The following ELOB variants were observed in gnomAD, a reference collection of about 807,000 sequenced individuals.
ELOB encodes elongin-B.
A neutral mutation model predicts 12.9 loss-of-function variants in ELOB; 3 were observed. The ratio of observed to expected loss-of-function variants is 0.23; its 90% CI spans 0.11 to 0.60. ELOB has a LOEUF of 0.60. ELOB is among the 20% of genes least tolerant of loss of function. ELOB has a pLI of 0.89. For synonymous variants in ELOB, 84 were observed against 67.4 expected (o/e 1.25, Z -1.21); for missense variants, 126 against 159.2 (o/e 0.79, Z 1.12).
At position 2,771,801 on chromosome 16, in the gene ELOB, G is replaced by T; in HGVS notation, c.*189C>A. ...TCCCCATGGTGCCTTTAAGCAGCAG[G>T]CTGGGCCAAGTTCTCAGCCAGGGTC... On this transcript the variant is annotated 3_prime_UTR_variant, in exon 4 of 4. Transcript: ENST00000409906. 2 of 1,453,268 alleles carry T rather than the reference G, an allele frequency of 1.4e-6. No individual in the cohort carries two copies. Among genetic ancestry groups the T allele is most frequent in the Non-Finnish European group, 1.8e-6 (2 of 1,107,462 alleles). The allele number at this position is 1,453,268 out of a possible 1,614,324, so 90.0% of individuals were successfully genotyped here. A position where few individuals can be genotyped will look rare whatever the true frequency, so the allele number is the denominator to read the frequency against.
rs189402647 is a variant in ELOB, at chr16:2,772,723, T to C, written c.245-621A>G. ...CCATCTCAAAAAAAAAAAATCAAAC[T>C]AGACTATCTAGACTATTCCTCCCCT... On this transcript the variant is annotated intron_variant, in intron 3 of 3. Coordinates refer to ENST00000409906, the MANE Select transcript of ELOB (RefSeq NM_007108.4). 1.2e-3 allele frequency among the ~76,000 whole-genome samples: 176 copies of C among 151,090 alleles called. 1 individual carries two copies. The East Asian group carries it at 0.025, about 21-fold the overall frequency.
chr16:2,777,133 G>A lies in ELOB; in HGVS notation c.4-6C>T, dbSNP rs753431233. ...CGGATCATGAGGAACACGTCCTGGGGGCGGCGGGCCGGCGTGAGCACGAAG... is the reference window on the plus strand; with the variant it reads ...CGGATCATGAGGAACACGTCCTGGGAGCGGCGGGCCGGCGTGAGCACGAAG... On this transcript the variant is annotated splice_region_variant and splice_polypyrimidine_tract_variant and intron_variant, in intron 1 of 3. Coordinates refer to ENST00000409906, the MANE Select transcript of ELOB (RefSeq NM_007108.4). The A allele has an allele frequency of 1.6e-5, 25 of 1,522,836 alleles. No homozygotes were observed. The East Asian group carries it at 3.8e-4, about 23-fold the overall frequency. The allele number at this position is 1,522,836 out of a possible 1,614,324, so 94.3% of individuals were successfully genotyped here.
Position 2,775,444 on chromosome 16 carries a change from C to G in ELOB, c.244+7G>C, listed in dbSNP as rs2068793434. The G allele has an allele frequency of 1.3e-6, 2 of 1,593,608 alleles. No homozygotes were observed. Among genetic ancestry groups the G allele is most frequent in the African/African-American group, 1.3e-5 (1 of 74,622 alleles). On this transcript the variant is annotated splice_region_variant and intron_variant, in intron 3 of 3. Coordinates refer to ENST00000409906, the MANE Select transcript of ELOB (RefSeq NM_007108.4). Reference sequence around the variant, plus strand: ...CCACCCAGCCCAGTGGGTGGTGGGCCTCTCACCTGCCCGGAAGGCCAGCCC... The same window carrying G: ...CCACCCAGCCCAGTGGGTGGTGGGCGTCTCACCTGCCCGGAAGGCCAGCCC...
At chr16:2,773,616 G>A (rs2068782241) in intron 3 of ELOB, among the ~76,000 whole-genome samples, 1 of 152,172 alleles carries the variant, frequency 6.6e-6, no homozygotes, top group South Asian at 2.1e-4. Flanking sequence ...ATTCCATGGG[G>A]AAGCAAAGAG....
At chr16:2,775,849 C>T (rs1489508130) in intron 2 of ELOB, among the ~76,000 whole-genome samples, 1 of 152,200 alleles carries the variant, frequency 6.6e-6, no homozygotes, top group African/African-American at 2.4e-5. Context: ...GCTTTCAATC[C>T]CAGCTCTGTC....
Position 2,772,030 on chromosome 16 carries a change from T to C in ELOB, c.317A>G (p.Gln106Arg). Residue 106 changes from glutamine (Q) to arginine (R), a missense_variant, in exon 4 of 4, where the codon CAG becomes CGG. Coordinates refer to ENST00000409906, the MANE Select transcript of ELOB (RefSeq NM_007108.4). ...PPELPDVMKPQDSGSSANEQA... is the reference protein window; with the variant it reads ...PPELPDVMKPRDSGSSANEQA... ...TTCATTGGCACTGCTTCCCGAGTCCTGGGGCTTCATCACATCGGGCAGCTC... is the reference window on the plus strand; with the variant it reads ...TTCATTGGCACTGCTTCCCGAGTCCCGGGGCTTCATCACATCGGGCAGCTC... 6.2e-7 allele frequency: 1 copy of C among 1,613,192 alleles called. No homozygotes were observed.
intron 3 of ELOB, 61 bp from the exon 4 acceptor site, chr16:2,772,163 T>C (rs758997779): frequency 2.0e-5 from 30 of 1,498,422 alleles, no homozygotes; most frequent in Middle Eastern, 1.8e-4. Flanking sequence ...GCTGGGGCCT[T>C]GGTGTTCACG....
In ELOB at chr16:2,777,079, C is replaced by A. The variant is rs2068805784; in HGVS notation, c.52G>T (p.Ala18Ser). 1 of 1,600,610 alleles carries A rather than the reference C, an allele frequency of 6.2e-7. No individual in the cohort carries two copies. Among genetic ancestry groups the A allele is most frequent in the Non-Finnish European group, 8.5e-7 (1 of 1,175,242 alleles). Reference protein sequence around the residue: ...RRHKTTIFTDAKESSTVFELK... With the variant: ...RRHKTTIFTDSKESSTVFELK... ...TCGAACACCGTGCTGGACTCCTTGGCGTCCGTGAAGATGGTGGTCTTGTGG... is the reference window on the plus strand; with the variant it reads ...TCGAACACCGTGCTGGACTCCTTGGAGTCCGTGAAGATGGTGGTCTTGTGG... Residue 18 changes from alanine to serine, a missense_variant, in exon 2 of 4, where the codon GCC becomes TCC. Ala to Ser is a moderately conservative substitution (Grantham distance 99, BLOSUM62 1). Transcript: ENST00000409906.
At chr16:2,774,828 G>C (rs1446114498) in intron 3 of ELOB, among the ~76,000 whole-genome samples, 1 of 152,118 alleles carries the variant, frequency 6.6e-6, no homozygotes, top group Non-Finnish European at 1.5e-5. Context: ...GCAGGGGTGG[G>C]GTATGGCTGA....
intron 3 of ELOB, among the ~76,000 whole-genome samples, chr16:2,774,474 G>T (rs942109091): frequency 6.6e-6 from 1 of 152,240 alleles, no homozygotes; most frequent in African/African-American, 2.4e-5. Flanking sequence ...GGCCAGGAGG[G>T]GCAGGAGGGC....
In ELOB at chr16:2,771,625, T is replaced by G; in HGVS notation, c.*365A>C. On this transcript the variant is annotated 3_prime_UTR_variant, in exon 4 of 4. Coordinates refer to ENST00000409906, the MANE Select transcript of ELOB (RefSeq NM_007108.4). ...GCAGGCTATGGGGGTGGGGGGCACT[T>G]AGAAGGAGAAAGGCCTAAAACTGGA... 6.2e-7 allele frequency: 1 copy of G among 1,613,018 alleles called. No homozygotes were observed.
chr16:2,776,085 C>T (rs538874844), intron 2 of ELOB, among the ~76,000 whole-genome samples: 1 of 152,278 alleles, frequency 6.6e-6, no homozygotes, highest in Admixed American at 6.5e-5. Flanking sequence ...GCAAAGTTTC[C>T]TCATCTGTAA....
intron 3 of ELOB, among the ~76,000 whole-genome samples, chr16:2,774,449 A>G (rs2068787559): frequency 6.6e-6 from 1 of 152,204 alleles, no homozygotes; most frequent in Non-Finnish European, 1.5e-5. Context: ...CCCTTTAAGG[A>G]GAAGGGAACA....
In ELOB at chr16:2,771,710, C is replaced by G; in HGVS notation, c.*280G>C. 1 of 1,566,042 alleles carries G rather than the reference C, an allele frequency of 6.4e-7. No homozygotes were observed. The highest frequency in any genetic ancestry group is 1.2e-5 in the South Asian group (1 of 83,430). ...GTCTCTCCCAGTCCTTCCCTTTCCT[C>G]CCCCTGGCGTGGTTGGTGTGGCTGG... On this transcript the variant is annotated 3_prime_UTR_variant, in exon 4 of 4. Transcript: ENST00000409906.
chr16:2,772,271 GC>G, intron 3 of ELOB, 169 bp from the exon 4 acceptor site: 2 of 759,854 alleles, frequency 2.6e-6, no homozygotes, highest in South Asian at 2.5e-5. Context: ...TACCCCCGTG[GC>G]CCCACGGTAA....
intron 3 of ELOB, 83 bp from the exon 4 acceptor site, chr16:2,772,185 G>A (rs757510828): frequency 1.6e-4 from 228 of 1,431,654 alleles, no homozygotes; most frequent in Non-Finnish European, 1.9e-4. Flanking sequence ...GTGATCATCT[G>A]CAGCTTTGGG....
At chr16:2,774,441 C>G (rs1021015126) in intron 3 of ELOB, among the ~76,000 whole-genome samples, 3 of 152,196 alleles carry the variant, frequency 2.0e-5, no homozygotes, top group African/African-American at 7.2e-5. Flanking sequence ...CATCACACCC[C>G]TTTAAGGAGA....
chr16:2,771,862 C>A lies in ELOB; in HGVS notation c.*128G>T. ...GGAGACAGGACAGCACAGGAACTGC[C>A]AAGCACAAGCCCCAAAAGGAGCCCA... On this transcript the variant is annotated 3_prime_UTR_variant, in exon 4 of 4. Transcript: ENST00000409906. 1 of 1,464,188 alleles carries A rather than the reference C, an allele frequency of 6.8e-7. No homozygotes were observed. Among genetic ancestry groups the A allele is most frequent in the Non-Finnish European group, 9.0e-7 (1 of 1,108,274 alleles). 90.7% of individuals were successfully genotyped at this position (1,464,188 alleles called of 1,614,324 possible).
Position 2,771,637 on chromosome 16 carries a change from G to A in ELOB, c.*353C>T. 3 of 1,613,326 alleles carry A rather than the reference G, an allele frequency of 1.9e-6. No individual in the cohort carries two copies. Among genetic ancestry groups the A allele is most frequent in the East Asian group, 2.2e-5 (1 of 44,878 alleles). On this transcript the variant is annotated 3_prime_UTR_variant, in exon 4 of 4. Coordinates refer to ENST00000409906, the MANE Select transcript of ELOB (RefSeq NM_007108.4). Reference sequence around the variant, plus strand: ...GGTGGGGGGCACTTAGAAGGAGAAAGGCCTAAAACTGGAATCTCTTGTCCC... The same window carrying A: ...GGTGGGGGGCACTTAGAAGGAGAAAAGCCTAAAACTGGAATCTCTTGTCCC...
Sources: allele counts gnomAD v4.1 joint callset (sites outside exome capture counted in the v4.1 genomes callset), GRCh38; gene constraint gnomAD v4.1.1; transcripts MANE v1.5; gene names NCBI Gene and HGNC (gene_info 2026-07-23, HGNC 2026-07-21).